The following MACF1 variants were observed in gnomAD, a reference collection of about 807,000 sequenced individuals.
MACF1 encodes microtubule actin crosslinking factor 1.
Under a neutral mutation model 854.8 loss-of-function variants are expected in MACF1, and 193 were observed. The ratio of observed to expected loss-of-function variants is 0.23; its 90% CI spans 0.20 to 0.25. The LOEUF is 0.25. MACF1 is among the 10% of genes least tolerant of loss of function. MACF1 has a pLI of 1.00. For missense variants in MACF1, 7,722 were observed against 8,929.1 expected (o/e 0.86, Z 5.45); for synonymous variants, 3,185 against 3,226.7 (o/e 0.99, Z 0.44).
chr1:39,435,398 T>C (rs527437088), intron 69 of MACF1, among the ~76,000 whole-genome samples, 160 bp from the exon 70 acceptor site: 1 of 152,326 alleles, frequency 6.6e-6, no homozygotes, highest in South Asian at 2.1e-4. Context: ...AAGACTTAGG[T>C]GTTTTTCTGT....
chr1:39,391,383 A>G (rs1030564029), intron 58 of MACF1, among the ~76,000 whole-genome samples: 11 of 152,250 alleles, frequency 7.2e-5, no homozygotes, highest in South Asian at 4.1e-4. Context: ...TAGGGCCTCT[A>G]TAGTATTATA....
intron 44 of MACF1, among the ~76,000 whole-genome samples, chr1:39,356,374 G>C (rs1647564803): frequency 6.7e-6 from 1 of 148,498 alleles, no homozygotes; most frequent in Admixed American, 6.7e-5. Context: ...TTAAGAACTT[G>C]CATTTTTTTT....
intron 44 of MACF1, among the ~76,000 whole-genome samples, chr1:39,353,662 GC>G (rs1647284413): frequency 6.6e-6 from 1 of 151,896 alleles, no homozygotes; most frequent in South Asian, 2.1e-4. Context: ...TGCAACTTGG[GC>G]CCATAAGCAC....
intron 2 of MACF1, among the ~76,000 whole-genome samples, chr1:39,181,113 G>T (rs1416676311): frequency 1.3e-5 from 2 of 152,194 alleles, no homozygotes; most frequent in Non-Finnish European, 2.9e-5. Flanking sequence ...TTGCCACGTT[G>T]TCCAGGCTGG....
chr1:39,197,481 T>A (rs552844734), intron 2 of MACF1, among the ~76,000 whole-genome samples: 5 of 152,318 alleles, frequency 3.3e-5, no homozygotes, highest in African/African-American at 4.8e-5. Flanking sequence ...ATTTTCTAAT[T>A]ACTGATGCCA....
intron 49 of MACF1, among the ~76,000 whole-genome samples, chr1:39,367,899 G>A (rs1648875413): frequency 6.6e-6 from 1 of 151,622 alleles, no homozygotes; most frequent in African/African-American, 2.4e-5. Flanking sequence ...GAACCCAGGA[G>A]GCGGAAGTTG....
chr1:39,124,175 C>T (rs1197961179), intron 2 of MACF1, among the ~76,000 whole-genome samples: 1 of 151,916 alleles, frequency 6.6e-6, no homozygotes, highest in Non-Finnish European at 1.5e-5. Flanking sequence ...CATGAGCCAC[C>T]ATGCCAGGCC....
intron 58 of MACF1, chr1:39,411,735 C>G (rs753778186): frequency 6.2e-7 from 1 of 1,613,884 alleles, no homozygotes; most frequent in South Asian, 1.1e-5. Flanking sequence ...AGAATCAAAT[C>G]TCTTCTGAAG....
chr1:39,086,319 A>G (rs1434962076), intron 2 of MACF1, among the ~76,000 whole-genome samples: 2 of 152,232 alleles, frequency 1.3e-5, no homozygotes, highest in Non-Finnish European at 2.9e-5. Flanking sequence ...AGAGGGAATG[A>G]GCTCCAAGTG....
chr1:39,135,091 C>T (rs554206643), intron 2 of MACF1, among the ~76,000 whole-genome samples: 5 of 152,290 alleles, frequency 3.3e-5, no homozygotes, highest in African/African-American at 1.2e-4. Context: ...CCTCAAGGTT[C>T]ATTCATGTTG....
At chr1:39,396,511 G>A (rs1157995843) in intron 58 of MACF1, among the ~76,000 whole-genome samples, 1 of 152,160 alleles carries the variant, frequency 6.6e-6, no homozygotes, top group African/African-American at 2.4e-5. Context: ...TGCAGAACTT[G>A]TATGTATTGA....
rs768663303 is a variant in MACF1, at chr1:39,458,342, T to A, written c.21076-28T>A. On this transcript the variant is annotated intron_variant, in intron 89 of 100. Transcript: ENST00000564288. ...TAAGAGTAAAAATACAATATTTAAC[T>A]CTTTTTCCTATTTTTTGTGTTTAAC... 11 of 1,609,832 alleles carry A rather than the reference T, an allele frequency of 6.8e-6. No individual in the cohort carries two copies. The South Asian group carries it at 9.9e-5, about 14-fold the overall frequency.
At chr1:39,357,010 G>A (rs1647647506) in intron 44 of MACF1, among the ~76,000 whole-genome samples, 2 of 152,196 alleles carry the variant, frequency 1.3e-5, no homozygotes, top group African/African-American at 4.8e-5. Context: ...GAGAGTGACT[G>A]ATATTGGTGA....
At position 39,309,656 on chromosome 1, in the gene MACF1, G is replaced by C. The variant is rs779141040; in HGVS notation, c.2876G>C (p.Arg959Pro). 6.2e-7 allele frequency: 1 copy of C among 1,614,084 alleles called. No individual in the cohort carries two copies. The highest frequency in any genetic ancestry group is 1.1e-5 in the South Asian group (1 of 91,084). The change falls in exon 24 of 101, where the codon CGT (arginine) becomes CCT (proline). Residue 959 changes from arginine to proline, a missense_variant. This residue lies in a region of MACF1 where 1,137 missense variants were observed against 1,263.0 expected (regional missense o/e 0.90). Coordinates refer to ENST00000564288, the MANE Select transcript of MACF1 (RefSeq NM_001394062.1). ...AGCCTTATCTCTTGGAACTATCTGC[G>C]TAAAGACCTTGACCTTGTACAGACC... ...TKSLISWNYLRKDLDLVQTWN... is the reference protein window; with the variant it reads ...TKSLISWNYLPKDLDLVQTWN...
intron 58 of MACF1, among the ~76,000 whole-genome samples, chr1:39,418,499 T>C (rs575367582): frequency 6.6e-6 from 1 of 152,326 alleles, no homozygotes; most frequent in Non-Finnish European, 1.5e-5. Flanking sequence ...AAAGATCATT[T>C]AGAGATCTAG....
chr1:39,105,342 C>G lies in MACF1; in HGVS notation c.220+20904C>G. 1.1e-6 allele frequency: 1 copy of G among 946,016 alleles called. No individual in the cohort carries two copies. The highest frequency in any genetic ancestry group is 1.3e-6 in the Non-Finnish European group (1 of 794,612). 58.6% of individuals were successfully genotyped at this position (946,016 alleles called of 1,614,324 possible). On this transcript the variant is annotated intron_variant, in intron 2 of 93. Coordinates refer to the MACF1 transcript ENST00000361689. The surrounding 1 kb of genome is among the most constrained non-coding windows in gnomAD (Gnocchi z 5.9). ...GAGGAGCCGCCGCCGCCGCCCGCCGCTGCAGCCGCGCCGGGGCGGGCTGAG... is the reference window on the plus strand; with the variant it reads ...GAGGAGCCGCCGCCGCCGCCCGCCGGTGCAGCCGCGCCGGGGCGGGCTGAG...
chr1:39,332,091 G>A lies in MACF1; in HGVS notation c.5503G>A (p.Ala1835Thr), dbSNP rs145701375. The part of the protein sequence containing the change: ...DEAVSNDLVA[A>T]KIALVILESL... ...AGCAGTGAGCAATGATCTAGTAGCT[G>A]CTAAGATCGCCCTTGTGATTCTGGA... The change falls in exon 37 of 101, where the codon GCT becomes ACT. Residue 1835 changes from alanine (A) to threonine (T), a missense_variant. Around this residue, in one of 15 missense-constraint regions of MACF1, gnomAD observed 1,531 missense variants for 1,601.6 expected, o/e 0.96. Coordinates refer to ENST00000564288, the MANE Select transcript of MACF1 (RefSeq NM_001394062.1). The A allele has an allele frequency of 2.5e-5, 40 of 1,614,012 alleles. No individual in the cohort carries two copies. Among genetic ancestry groups the A allele is most frequent in the Non-Finnish European group, 3.2e-5 (38 of 1,180,024 alleles).
At chr1:39,085,420 G>A (rs567044794) in intron 2 of MACF1, among the ~76,000 whole-genome samples, 17 of 152,088 alleles carry the variant, frequency 1.1e-4, no homozygotes, top group Non-Finnish European at 1.5e-4. Flanking sequence ...GACATCACCC[G>A]CTTTCAAGCC....
At chr1:39,352,274 A>G (rs985463228) in intron 43 of MACF1, among the ~76,000 whole-genome samples, 7 of 152,258 alleles carry the variant, frequency 4.6e-5, no homozygotes, top group African/African-American at 1.7e-4. Context: ...GAAGAATTAA[A>G]TGTTTCCCTG....
Sources: allele counts gnomAD v4.1 joint callset (sites outside exome capture counted in the v4.1 genomes callset), GRCh38; gene constraint gnomAD v4.1.1; regional missense constraint gnomAD v4.1.1; non-coding constraint Gnocchi (gnomAD v3.1); transcripts MANE v1.5; gene names NCBI Gene and HGNC (gene_info 2026-07-23, HGNC 2026-07-21).